ST7: variants seen among roughly 807,000 people sequenced by gnomAD.
ST7 encodes the protein suppressor of tumorigenicity 7 protein.
In ST7, 28 loss-of-function variants were observed where a neutral mutation model predicts 78.7. The ratio of observed to expected loss-of-function variants is 0.36; its 90% CI spans 0.26 to 0.49. The LOEUF is 0.49. Ranked by LOEUF, ST7 falls within the 20% of genes least tolerant of loss-of-function variation. ST7 has a pLI of 0.99. For synonymous variants in ST7, 247 were observed against 249.6 expected, an observed-to-expected ratio of 0.99 and a Z score of 0.10; for missense variants, 418 against 696.0, an observed-to-expected ratio of 0.60 and a Z score of 4.49.
At chr7:117,012,796 T>G (rs1198781941) in intron 1 of ST7, among the ~76,000 whole-genome samples, 1 of 152,064 alleles carries the variant, frequency 6.6e-6, no homozygotes, top group Admixed American at 6.6e-5. Flanking sequence ...GAGATGGGAG[T>G]TGAATCTTCT....
chr7:117,093,737 A>G (rs1399510130), intron 1 of ST7, among the ~76,000 whole-genome samples: 1 of 152,150 alleles, frequency 6.6e-6, no homozygotes, highest in Non-Finnish European at 1.5e-5. Context: ...AATCAAAAGA[A>G]AAACAGCCGT....
intron 9 of ST7, among the ~76,000 whole-genome samples, chr7:117,149,065 C>T (rs1301044621): frequency 3.9e-5 from 6 of 152,118 alleles, no homozygotes; most frequent in East Asian, 1.9e-4. Flanking sequence ...AATGCAAAAG[C>T]GTTGATCATA....
At chr7:117,207,246 A>G (rs111307970) in intron 12 of ST7, among the ~76,000 whole-genome samples, 7,956 of 151,498 alleles carry the variant, frequency 0.053, 701 homozygotes, top group African/African-American at 0.18. Context: ...CCAAGTTCAA[A>G]CAATTCTCTG....
chr7:117,032,385 G>A (rs1395539299), intron 1 of ST7, among the ~76,000 whole-genome samples: 1 of 151,658 alleles, frequency 6.6e-6, no homozygotes, highest in Non-Finnish European at 1.5e-5. Flanking sequence ...TAATTAGAAA[G>A]GTCTGAATTT....
At chr7:117,175,047 T>C (rs1422414916) in intron 10 of ST7, among the ~76,000 whole-genome samples, 1 of 152,246 alleles carries the variant, frequency 6.6e-6, no homozygotes, top group African/African-American at 2.4e-5. Context: ...TCCTTTCTAA[T>C]CATTCTTTAA....
intron 1 of ST7, among the ~76,000 whole-genome samples, chr7:116,995,772 G>T (rs1794624479): frequency 6.6e-6 from 1 of 152,172 alleles, no homozygotes; most frequent in Admixed American, 6.5e-5. Context: ...GGGAATGTGG[G>T]TTATCTGTGC....
intron 1 of ST7, among the ~76,000 whole-genome samples, chr7:117,061,019 T>C (rs577528655): frequency 1.1e-4 from 17 of 152,108 alleles, no homozygotes; most frequent in African/African-American, 4.1e-4. Context: ...AAAAACAAAA[T>C]ATAATATTGC....
At chr7:117,052,823 G>A (rs1348171148) in intron 1 of ST7, among the ~76,000 whole-genome samples, 1 of 152,258 alleles carries the variant, frequency 6.6e-6, no homozygotes, top group African/African-American at 2.4e-5. Flanking sequence ...GAACGCAGGA[G>A]GCGGAGCTTG....
intron 9 of ST7, among the ~76,000 whole-genome samples, chr7:117,154,453 A>G (rs1183499513): frequency 6.6e-6 from 1 of 152,216 alleles, no homozygotes; most frequent in Non-Finnish European, 1.5e-5. Context: ...TGACAGGGCT[A>G]GGAAGATGGA....
At chr7:117,183,045 G>A (rs139711078) in intron 10 of ST7, among the ~76,000 whole-genome samples, 22 of 152,282 alleles carry the variant, frequency 1.4e-4, no homozygotes, top group African/African-American at 5.1e-4. Flanking sequence ...AAAATGTTAT[G>A]GAGGTCAGAT....
chr7:117,122,559 T>A (rs993874348), intron 3 of ST7, among the ~76,000 whole-genome samples: 3 of 152,248 alleles, frequency 2.0e-5, no homozygotes, highest in African/African-American at 7.2e-5. Flanking sequence ...ATTTACTGAG[T>A]GCCTACTATG....
At chr7:117,095,135 T>C (rs770405879) in intron 1 of ST7, among the ~76,000 whole-genome samples, 30 of 152,164 alleles carry the variant, frequency 2.0e-4, no homozygotes, top group Admixed American at 3.9e-4. Flanking sequence ...CAGACTGGGT[T>C]ATATGCCTGC....
intron 2 of ST7, 65 bp from the exon 3 acceptor site, chr7:117,119,496 G>A: frequency 7.1e-7 from 1 of 1,417,528 alleles, no homozygotes; most frequent in Non-Finnish European, 9.5e-7. Context: ...CATGTTTTAT[G>A]GGCATGTGTA....
intron 1 of ST7, among the ~76,000 whole-genome samples, chr7:116,966,973 A>T (rs936378308): frequency 1.3e-5 from 2 of 152,172 alleles, no homozygotes; most frequent in Non-Finnish European, 2.9e-5. Flanking sequence ...AGGATGTAAA[A>T]TTTTCAAATC....
chr7:117,198,782 C>T (rs1288503779), intron 12 of ST7, among the ~76,000 whole-genome samples: 1 of 152,054 alleles, frequency 6.6e-6, no homozygotes, highest in Non-Finnish European at 1.5e-5. Context: ...ATGAGGTTGC[C>T]TCATAAAACA....
intron 1 of ST7, 129 bp downstream of exon 1, chr7:116,953,820 G>A: frequency 1.8e-6 from 1 of 564,502 alleles, no homozygotes; most frequent in Non-Finnish European, 2.3e-6. Flanking sequence ...GGAGGCCCGC[G>A]GCTACCCGCC....
intron 2 of ST7, among the ~76,000 whole-genome samples, chr7:117,104,493 A>G (rs1801807193): frequency 6.6e-6 from 1 of 152,226 alleles, no homozygotes; most frequent in Admixed American, 6.5e-5. Flanking sequence ...GAAGATGTGG[A>G]GAAAGGGGTA....
chr7:117,154,153 G>A (rs1806500651), intron 9 of ST7, among the ~76,000 whole-genome samples: 1 of 152,100 alleles, frequency 6.6e-6, no homozygotes, highest in Non-Finnish European at 1.5e-5. Context: ...GTGCCGTTTG[G>A]GAGCTAATTA....
chr7:117,138,160 C>T (rs1300307856), intron 8 of ST7, among the ~76,000 whole-genome samples: 1 of 152,146 alleles, frequency 6.6e-6, no homozygotes, highest in African/African-American at 2.4e-5. Context: ...TGCTTGTAAA[C>T]CGTATACACT....
Sources: gnomAD v4.1 joint callset for allele counts (sites outside exome capture counted in the v4.1 genomes callset) on GRCh38, gnomAD v4.1.1 for gene constraint, MANE v1.5 for transcripts, NCBI Gene and HGNC (gene_info 2026-07-23, HGNC 2026-07-21) for gene names.